The following JAKMIP3 variants were observed in gnomAD, a reference collection of about 807,000 sequenced individuals.
JAKMIP3 encodes janus kinase and microtubule-interacting protein 3.
JAKMIP3 carries 58 observed loss-of-function variants against 118.5 expected under a neutral mutation model. That is an observed-to-expected ratio of 0.49 (90% CI 0.40 to 0.61). The LOEUF (loss-of-function observed/expected upper bound fraction) is 0.61, where lower values mean the gene tolerates loss of function less well. Among genes scored for constraint, JAKMIP3 ranks in the 20% least tolerant of loss-of-function variants. The probability of loss-of-function intolerance (pLI) is 0.00; values close to 1 mark genes in which losing one functional copy is unlikely to be tolerated. For synonymous variants in JAKMIP3, 486 were observed against 451.2 expected (o/e 1.08, Z -0.98); for missense variants, 950 against 1,109.0 (o/e 0.86, Z 2.04).
intron 1 of JAKMIP3, among the ~76,000 whole-genome samples, 174 bp downstream of exon 1, chr10:132,066,235 A>AG (rs1254506414): frequency 1.3e-5 from 2 of 152,192 alleles, no homozygotes; most frequent in Non-Finnish European, 2.9e-5. Flanking sequence ...TCACAGAGGA[A>AG]GATGCTTCAT....
chr10:132,098,790 C>T (rs1355573778), intron 1 of JAKMIP3, among the ~76,000 whole-genome samples: 4 of 152,180 alleles, frequency 2.6e-5, no homozygotes, highest in African/African-American at 7.2e-5. Flanking sequence ...TTTACCACAG[C>T]GCTCCTCTCT....
At chr10:132,122,738 A>C (rs865777247) in intron 3 of JAKMIP3, among the ~76,000 whole-genome samples, 7 of 152,126 alleles carry the variant, frequency 4.6e-5, no homozygotes, top group Non-Finnish European at 1.0e-4. Context: ...CGCTGCTGCC[A>C]GGGCAGGGCT....
chr10:132,148,524 T>C (rs2055152258), intron 14 of JAKMIP3, among the ~76,000 whole-genome samples: 1 of 122,584 alleles, frequency 8.2e-6, no homozygotes, highest in African/African-American at 2.8e-5. Flanking sequence ...CATCCGCCCG[T>C]CCTCCATCCG....
At chr10:132,047,612 C>T (rs1448664578) in intron 1 of JAKMIP3, among the ~76,000 whole-genome samples, 3 of 129,630 alleles carry the variant, frequency 2.3e-5, no homozygotes, top group Non-Finnish European at 5.0e-5. Context: ...GGACATCCTC[C>T]TCCTGACCCA....
At position 132,180,534 on chromosome 10, in the gene JAKMIP3, T is replaced by TGTGTGTGTGTGTGTGC. The variant is rs1554962694; in HGVS notation, c.*1104-1812_*1104-1811insTGTGCGTGTGTGTGTG. Among the ~76,000 whole-genome samples the TGTGTGTGTGTGTGTGC allele has an allele frequency of 1.8e-4, 6 of 33,224 alleles. 2 individuals carry two copies. Among genetic ancestry groups the TGTGTGTGTGTGTGTGC allele is most frequent in the African/African-American group, 1.2e-3 (6 of 5,090 alleles). The allele number at this position is 33,224 out of a possible 152,430, so 21.8% of individuals were successfully genotyped here. A position where few individuals can be genotyped will look rare whatever the true frequency, so the allele number is the denominator to read the frequency against. ...ACCTGGAAGCAGAACTGTGTGTGTG[T>TGTGTGTGTGTGTGTGC]GTGTGTGTGTGCGTGCGTGCATGCG... On this transcript the variant is annotated intron_variant, in intron 23 of 23. Coordinates refer to ENST00000684848, the MANE Select transcript of JAKMIP3 (RefSeq NM_001323087.2).
At chr10:132,106,579 A>G (rs926111699) in intron 2 of JAKMIP3, among the ~76,000 whole-genome samples, 5 of 152,162 alleles carry the variant, frequency 3.3e-5, no homozygotes, top group Non-Finnish European at 5.9e-5. Context: ...CTCGGATACC[A>G]GAAGGCCGAT....
At chr10:132,101,114 G>A (rs1445952275) in intron 1 of JAKMIP3, among the ~76,000 whole-genome samples, 2 of 152,216 alleles carry the variant, frequency 1.3e-5, no homozygotes, top group Non-Finnish European at 2.9e-5. Flanking sequence ...ACTTGAATCT[G>A]TTCGGAGGAG....
At chr10:132,046,902 T>C (rs1033517725) in intron 1 of JAKMIP3, among the ~76,000 whole-genome samples, 1 of 152,138 alleles carries the variant, frequency 6.6e-6, no homozygotes, top group Non-Finnish European at 1.5e-5. Context: ...GATTTTTTTT[T>C]AGTTGAGGTC....
chr10:132,162,753 G>GAT (rs1453471077), intron 19 of JAKMIP3, among the ~76,000 whole-genome samples: 7 of 68,576 alleles, frequency 1.0e-4, no homozygotes, highest in Non-Finnish European at 2.9e-4. Flanking sequence ...TTCATGAAAA[G>GAT]GTGTGTATTT....
chr10:132,149,329 C>G (rs375437033), intron 14 of JAKMIP3, 83 bp from the exon 15 acceptor site: 3 of 882,412 alleles, frequency 3.4e-6, no homozygotes, highest in East Asian at 5.5e-5. Context: ...GGTCTTGGCC[C>G]GTGTTCCTCA....
At chr10:132,138,520 G>A (rs771164450) in intron 9 of JAKMIP3, among the ~76,000 whole-genome samples, 6 of 152,232 alleles carry the variant, frequency 3.9e-5, no homozygotes, top group Admixed American at 2.0e-4. Context: ...GTGCTTAGTA[G>A]GAATCAGTCT....
chr10:132,078,659 G>C lies in JAKMIP3; in HGVS notation c.-138+12598G>C, dbSNP rs900112855. Among the ~76,000 whole-genome samples the C allele has an allele frequency of 6.7e-4, 101 of 150,592 alleles. 1 individual carries two copies. The highest frequency in any genetic ancestry group is 2.4e-3 in the African/African-American group (97 of 41,164). Reference sequence around the variant, plus strand: ...GTCCCGTTTCTGGCCATGTGCTCCTGTTCAATCATGTAGCTACTCCTGAGG... The same window carrying C: ...GTCCCGTTTCTGGCCATGTGCTCCTCTTCAATCATGTAGCTACTCCTGAGG... On this transcript the variant is annotated intron_variant, in intron 1 of 23. Transcript: ENST00000684848.
intron 1 of JAKMIP3, among the ~76,000 whole-genome samples, chr10:132,070,445 A>G (rs921879731): frequency 6.6e-6 from 1 of 152,022 alleles, no homozygotes; most frequent in African/African-American, 2.4e-5. Flanking sequence ...ACCGCGCCCG[A>G]CCTGTCCTCT....
In JAKMIP3 at chr10:132,180,674, T is replaced by TGTGC. The variant is rs1436410599; in HGVS notation, c.*1104-1682_*1104-1681insTGCG. ...GTGCGTGTGCGTGTGTGCGTGTGTG[T>TGTGC]GCGCGCGCGTGTGTGTGCGTGCGTG... On this transcript the variant is annotated intron_variant, in intron 23 of 23. Transcript: ENST00000684848. Among the ~76,000 whole-genome samples, 3 of 19,318 alleles carry TGTGC rather than the reference T, an allele frequency of 1.6e-4. 1 individual carries two copies. Among genetic ancestry groups the TGTGC allele is most frequent in the Admixed American group, 6.0e-4 (1 of 1,680 alleles). 12.7% of individuals were successfully genotyped at this position (19,318 alleles called of 152,430 possible).
chr10:132,167,800 G>A (rs538345010), intron 22 of JAKMIP3, among the ~76,000 whole-genome samples, 153 bp from the exon 23 acceptor site: 22 of 149,066 alleles, frequency 1.5e-4, no homozygotes, highest in Non-Finnish European at 2.7e-4. Flanking sequence ...GCAGCCCTTC[G>A]GTCCTCACCC....
intron 1 of JAKMIP3, among the ~76,000 whole-genome samples, chr10:132,071,889 T>TTCCC (rs2039984177): frequency 3.2e-5 from 2 of 62,944 alleles, no homozygotes; most frequent in African/African-American, 2.0e-4. Flanking sequence ...CCTTTCTTTC[T>TTCCC]TTCCTTTCTT....
chr10:132,168,536 A>G lies in JAKMIP3; in HGVS notation c.*606A>G. Reference sequence around the variant, plus strand: ...TGGGGTCCTGAGCACCCGCTGGCCAACAGACCCCACATCCACCCTCGTTCA... The same window carrying G: ...TGGGGTCCTGAGCACCCGCTGGCCAGCAGACCCCACATCCACCCTCGTTCA... On this transcript the variant is annotated 3_prime_UTR_variant, in exon 23 of 24. Transcript: ENST00000684848. The G allele has an allele frequency of 2.2e-6, 1 of 446,312 alleles. No homozygotes were observed. 27.6% of individuals were successfully genotyped at this position (446,312 alleles called of 1,614,324 possible).
At chr10:132,042,849 G>A (rs946256232) in intron 1 of JAKMIP3, among the ~76,000 whole-genome samples, 1 of 151,994 alleles carries the variant, frequency 6.6e-6, no homozygotes, top group African/African-American at 2.4e-5. Context: ...TTTTCCTTTG[G>A]GAGCCCAGGG....
chr10:132,084,374 T>C (rs961206633), intron 1 of JAKMIP3, among the ~76,000 whole-genome samples: 1 of 152,244 alleles, frequency 6.6e-6, no homozygotes, highest in Non-Finnish European at 1.5e-5. Context: ...TACTGATTTG[T>C]GTACATTAAT....
Sources: allele counts gnomAD v4.1 joint callset (sites outside exome capture counted in the v4.1 genomes callset), GRCh38; gene constraint gnomAD v4.1.1; transcripts MANE v1.5; gene names NCBI Gene and HGNC (gene_info 2026-07-23, HGNC 2026-07-21).